Variants in ANGPT1 observed in about 807,000 individuals in gnomAD.
ANGPT1 encodes the protein angiopoietin-1.
A neutral mutation model predicts 62.2 loss-of-function variants in ANGPT1; 17 were observed. That is an observed-to-expected ratio of 0.27 (90% CI 0.19 to 0.41). The LOEUF (loss-of-function observed/expected upper bound fraction) is 0.41, where lower values mean the gene tolerates loss of function less well. Among genes scored for constraint, ANGPT1 ranks in the 10% least tolerant of loss-of-function variants. The probability of loss-of-function intolerance (pLI) is 1.00; values close to 1 mark genes in which losing one functional copy is unlikely to be tolerated. For missense variants in ANGPT1, 478 were observed against 594.9 expected, an observed-to-expected ratio of 0.80 and a Z score of 2.04; for synonymous variants, 199 against 198.9, an observed-to-expected ratio of 1.00 and a Z score of 0.00.
At chr8:107,325,698 A>T (rs969190354) in intron 3 of ANGPT1, among the ~76,000 whole-genome samples, 1 of 152,158 alleles carries the variant, frequency 6.6e-6, no homozygotes, top group Non-Finnish European at 1.5e-5. Flanking sequence ...GAGAATAAAA[A>T]CCTCAAATGA....
intron 3 of ANGPT1, among the ~76,000 whole-genome samples, chr8:107,323,576 T>A (rs1004331332): frequency 3.3e-5 from 5 of 152,084 alleles, no homozygotes; most frequent in Non-Finnish European, 5.9e-5. Context: ...TTAAATGGCA[T>A]AAAAGACTGT....
chr8:107,388,662 G>A (rs1369575598), intron 1 of ANGPT1, among the ~76,000 whole-genome samples: 1 of 152,058 alleles, frequency 6.6e-6, no homozygotes, highest in African/African-American at 2.4e-5. Context: ...CTGCTTTATT[G>A]CAGAATTTTC....
At chr8:107,460,177 T>C (rs1178743135) in intron 1 of ANGPT1, among the ~76,000 whole-genome samples, 1 of 152,164 alleles carries the variant, frequency 6.6e-6, no homozygotes, top group East Asian at 1.9e-4. Context: ...ATTTCCCAGA[T>C]GTGGGGATGT....
intron 1 of ANGPT1, among the ~76,000 whole-genome samples, chr8:107,413,022 C>A (rs1047143324): frequency 2.0e-5 from 3 of 152,052 alleles, no homozygotes; most frequent in Non-Finnish European, 4.4e-5. Flanking sequence ...AAAGATGTGG[C>A]CAATATGTAT....
At chr8:107,309,408 C>A (rs1385724260) in intron 4 of ANGPT1, among the ~76,000 whole-genome samples, 1 of 152,122 alleles carries the variant, frequency 6.6e-6, no homozygotes, top group Non-Finnish European at 1.5e-5. Context: ...TGCAAACAAG[C>A]AAACAATTGA....
intron 1 of ANGPT1, among the ~76,000 whole-genome samples, chr8:107,354,848 C>T (rs1252056206): frequency 2.6e-5 from 4 of 152,062 alleles, no homozygotes; most frequent in Admixed American, 6.6e-5. Flanking sequence ...TTCATCCAAG[C>T]CACAGAGAAT....
intron 7 of ANGPT1, 50 bp from the exon 8 acceptor site, chr8:107,264,401 A>G: frequency 6.3e-7 from 1 of 1,579,942 alleles, no homozygotes; most frequent in Non-Finnish European, 8.6e-7. Flanking sequence ...ACAGAATAAC[A>G]GAACCCAGAA....
At chr8:107,444,108 C>A (rs1004766557) in intron 1 of ANGPT1, among the ~76,000 whole-genome samples, 7 of 152,162 alleles carry the variant, frequency 4.6e-5, no homozygotes, top group African/African-American at 1.7e-4. Context: ...CTCAATTGTC[C>A]ATGGGTTATA....
At chr8:107,478,676 A>G (rs1213754491) in intron 1 of ANGPT1, among the ~76,000 whole-genome samples, 3 of 152,190 alleles carry the variant, frequency 2.0e-5, no homozygotes, top group Non-Finnish European at 4.4e-5. Flanking sequence ...AAAATTATTC[A>G]TTGTGAATGT....
At chr8:107,406,280 T>G (rs565910714) in intron 1 of ANGPT1, among the ~76,000 whole-genome samples, 4 of 152,050 alleles carry the variant, frequency 2.6e-5, no homozygotes, top group Admixed American at 2.6e-4. Context: ...GTAAAGACAG[T>G]AACATCTGTC....
chr8:107,371,912 CT>C (rs886600543), intron 1 of ANGPT1, among the ~76,000 whole-genome samples: 2 of 152,070 alleles, frequency 1.3e-5, no homozygotes, highest in African/African-American at 2.4e-5. Context: ...CTAAAAGATG[CT>C]GTTTGCTCAA....
At chr8:107,454,580 C>T (rs1027414033) in intron 1 of ANGPT1, among the ~76,000 whole-genome samples, 10 of 152,138 alleles carry the variant, frequency 6.6e-5, no homozygotes, top group Non-Finnish European at 5.9e-5. Context: ...GCAAGTAGTA[C>T]ATTTTCTACT....
In ANGPT1 at chr8:107,268,298, C is replaced by T. The variant is rs143028865; in HGVS notation, c.1206-3947G>A. ...ATCAAAATATACTTGGTCTACATTTCAGAAGTATAGCTTTTACATCTCATT... is the reference window on the plus strand; with the variant it reads ...ATCAAAATATACTTGGTCTACATTTTAGAAGTATAGCTTTTACATCTCATT... On this transcript the variant is annotated intron_variant, in intron 7 of 8. Coordinates refer to ENST00000517746, the MANE Select transcript of ANGPT1 (RefSeq NM_001146.5). 2.3e-3 allele frequency among the ~76,000 whole-genome samples: 356 copies of T among 152,160 alleles called. 1 individual carries two copies. Among genetic ancestry groups the T allele is most frequent in the Non-Finnish European group, 3.7e-3 (251 of 67,988 alleles).
intron 2 of ANGPT1, among the ~76,000 whole-genome samples, chr8:107,339,487 C>T (rs1563576449): frequency 6.6e-6 from 1 of 152,162 alleles, no homozygotes. Flanking sequence ...AGATGCATGG[C>T]TGATTTCTTC....
intron 2 of ANGPT1, among the ~76,000 whole-genome samples, chr8:107,341,970 G>A (rs1234801523): frequency 6.6e-6 from 1 of 152,014 alleles, no homozygotes; most frequent in Non-Finnish European, 1.5e-5. Flanking sequence ...GCAGCTGATG[G>A]CATCCAACTC....
intron 1 of ANGPT1, among the ~76,000 whole-genome samples, chr8:107,471,116 T>C (rs1459516796): frequency 6.6e-6 from 1 of 152,098 alleles, no homozygotes; most frequent in Non-Finnish European, 1.5e-5. Context: ...TGTGGCACTG[T>C]TTGCAATAGC....
At chr8:107,292,778 T>C (rs186865797) in intron 6 of ANGPT1, among the ~76,000 whole-genome samples, 1 of 152,198 alleles carries the variant, frequency 6.6e-6, no homozygotes, top group Non-Finnish European at 1.5e-5. Context: ...TTTGACCAAC[T>C]ATGAGCCTAT....
intron 7 of ANGPT1, among the ~76,000 whole-genome samples, chr8:107,269,571 C>T (rs139915242): frequency 8.9e-4 from 135 of 152,136 alleles, no homozygotes; most frequent in African/African-American, 2.2e-3. Context: ...CCCAAAATAA[C>T]AGCATGGGAA....
intron 7 of ANGPT1, among the ~76,000 whole-genome samples, chr8:107,268,350 G>A (rs1813661935): frequency 6.6e-6 from 1 of 151,760 alleles, no homozygotes; most frequent in Non-Finnish European, 1.5e-5. Context: ...ATACCTACCT[G>A]GGTACCCACT....
Sources: gnomAD v4.1 joint callset for allele counts (sites outside exome capture counted in the v4.1 genomes callset) on GRCh38, gnomAD v4.1.1 for gene constraint, MANE v1.5 for transcripts, NCBI Gene and HGNC (gene_info 2026-07-23, HGNC 2026-07-21) for gene names.